EIF2A: variants seen among roughly 807,000 people sequenced by gnomAD.
EIF2A encodes 65 kDa eukaryotic translation initiation factor 2A.
A neutral mutation model predicts 75.2 loss-of-function variants in EIF2A; 62 were observed. The observed-to-expected ratio is 0.82, with a 90% CI of 0.67 to 1.02. The LOEUF (loss-of-function observed/expected upper bound fraction) is 1.02. Among genes scored for constraint, EIF2A ranks in the 50% least tolerant of loss-of-function variants. The pLI is 0.00. For synonymous variants in EIF2A, 207 were observed against 239.0 expected, an observed-to-expected ratio of 0.87 and a Z score of 1.23; for missense variants, 611 against 677.7, an observed-to-expected ratio of 0.90 and a Z score of 1.09.
rs917674798 is a variant in EIF2A at position 150,567,672 on chromosome 3, T to G, written c.476-21T>G. 4.1e-6 allele frequency: 6 copies of G among 1,473,394 alleles called. No individual in the cohort carries two copies. The Admixed American group carries it at 6.5e-5, about 16-fold the overall frequency. The allele number at this position is 1,473,394 out of a possible 1,614,324, so 91.3% of individuals were successfully genotyped here. A position where few individuals can be genotyped will look rare whatever the true frequency, so the allele number is the denominator to read the frequency against. ...TTTTAGGTTCTCTCATCAATCTGAT[T>G]TAATTTACTCTTTTTTTTAGACACA... On this transcript the variant is annotated intron_variant, in intron 6 of 13. Transcript: ENST00000460851.
intron 11 of EIF2A, among the ~76,000 whole-genome samples, chr3:150,576,198 T>C (rs1055140104): frequency 6.6e-6 from 1 of 152,172 alleles, no homozygotes; most frequent in African/African-American, 2.4e-5. Context: ...CCCAGCACTT[T>C]GGGAGGCCAA....
chr3:150,576,786 C>T lies in EIF2A; in HGVS notation c.1497+1024C>T, dbSNP rs569604305. ...TATATGAAATTATTTAACTGGGAATCGAAATACCAGAAGTACCCAAATAAT... is the reference window on the plus strand; with the variant it reads ...TATATGAAATTATTTAACTGGGAATTGAAATACCAGAAGTACCCAAATAAT... On this transcript the variant is annotated intron_variant, in intron 11 of 13. Transcript: ENST00000460851. 6.6e-5 allele frequency among the ~76,000 whole-genome samples: 10 copies of T among 152,214 alleles called. No individual in the cohort carries two copies. The East Asian group carries it at 1.7e-3, about 26-fold the overall frequency.
At chr3:150,570,558 C>T (rs1295106162) in intron 9 of EIF2A, among the ~76,000 whole-genome samples, 1 of 141,822 alleles carries the variant, frequency 7.1e-6, no homozygotes, top group African/African-American at 2.6e-5. Context: ...AAAATGAGAC[C>T]ATCTCTTTAA....
Position 150,550,977 on chromosome 3 carries a change from C to T in EIF2A, c.29-1379C>T, listed in dbSNP as rs73869254. On this transcript the variant is annotated intron_variant, in intron 1 of 13. Coordinates refer to ENST00000460851, the MANE Select transcript of EIF2A (RefSeq NM_032025.5). ...CTAGCCTGAGCCCTATTTTGTTTTC[C>T]AGCTTCATCATCCTCTAGCCACACA... Among the ~76,000 whole-genome samples, 490 of 152,236 alleles carry T rather than the reference C, an allele frequency of 3.2e-3. 1 individual carries two copies. Among genetic ancestry groups the T allele is most frequent in the African/African-American group, 0.011 (471 of 41,552 alleles).
chr3:150,582,383 C>T (rs936359077), intron 12 of EIF2A, among the ~76,000 whole-genome samples: 2 of 146,984 alleles, frequency 1.4e-5, no homozygotes, highest in African/African-American at 5.0e-5. Context: ...GGCGCGATCT[C>T]GGCTCACTGC....
chr3:150,571,923 TTA>T, intron 9 of EIF2A, 33 bp from the exon 10 acceptor site: 1 of 1,556,440 alleles, frequency 6.4e-7, no homozygotes, highest in Non-Finnish European at 8.7e-7. Context: ...ATATAGTTCT[TTA>T]TTGCTAATTT....
intron 10 of EIF2A, among the ~76,000 whole-genome samples, chr3:150,575,185 CTTG>C (rs1724787809): frequency 6.6e-6 from 1 of 151,898 alleles, no homozygotes; most frequent in African/African-American, 2.4e-5. Context: ...ATAATCTATT[CTTG>C]TTTTTTCATT....
rs780585569 is a variant in EIF2A at position 150,564,331 on chromosome 3, G to A, written c.425G>A (p.Cys142Tyr). Residue 142 changes from cysteine (C) to tyrosine (Y), a missense_variant, in exon 6 of 14, where the codon TGT becomes TAT. Coordinates refer to ENST00000460851, the MANE Select transcript of EIF2A (RefSeq NM_032025.5). Reference protein sequence around the residue: ...CPSWSEDETLCARNVNNEVHF... With the variant: ...CPSWSEDETLYARNVNNEVHF... ...TCCTGGTCAGAAGATGAAACTCTTTGTGCCCGCAATGTTAACAATGAAGTT... is the reference window on the plus strand; with the variant it reads ...TCCTGGTCAGAAGATGAAACTCTTTATGCCCGCAATGTTAACAATGAAGTT... 9 of 1,586,302 alleles carry A rather than the reference G, an allele frequency of 5.7e-6. No homozygotes were observed. The South Asian group carries it at 6.9e-5, about 12-fold the overall frequency.
Position 150,567,895 on chromosome 3 carries a change from A to G in EIF2A, c.550-7A>G. The G allele has an allele frequency of 6.2e-7, 1 of 1,600,416 alleles. No homozygotes were observed. The highest frequency in any genetic ancestry group is 8.5e-7 in the Non-Finnish European group (1 of 1,176,388). ...ATTAAGTAATGATTTATGTCTATGT[A>G]TCTTAGGTGGCTGTCTATGTTCCAG... On this transcript the variant is annotated splice_region_variant and splice_polypyrimidine_tract_variant and intron_variant, in intron 7 of 13. Coordinates refer to ENST00000460851, the MANE Select transcript of EIF2A (RefSeq NM_032025.5).
chr3:150,583,919 C>G lies in EIF2A; in HGVS notation c.*8C>G, dbSNP rs762693824. 1 of 1,613,290 alleles carries G rather than the reference C, an allele frequency of 6.2e-7. No individual in the cohort carries two copies. The highest frequency in any genetic ancestry group is 2.2e-5 in the East Asian group (1 of 44,802). On this transcript the variant is annotated 3_prime_UTR_variant, in exon 14 of 14. Transcript: ENST00000460851. ...TTGGAATTGGGTATTTAAAGATTCA[C>G]GGAAAGCAAGTTGATGACCAGAAAT...
rs1725329004 is a variant in EIF2A at position 150,583,890 on chromosome 3, A to G, written c.1737A>G (p.Glu579=). The change falls in exon 14 of 14, where the codon GAA becomes GAG. Residue 579 remains glutamate (E), a synonymous_variant. Transcript: ENST00000460851. ...AAACAGCCCTTCTCCAGGAGCTGGA[A>G]GATTTGGAATTGGGTATTTAAAGAT... ...QKETALLQEL[E]DLELGI is the part of the protein sequence containing the mutation. The G allele has an allele frequency of 3.7e-6, 6 of 1,613,596 alleles. No homozygotes were observed. The highest frequency in any genetic ancestry group is 1.7e-4 in the Middle Eastern group (1 of 6,056).
At chr3:150,564,273 A>AT in intron 5 of EIF2A, 26 bp from the exon 6 acceptor site, 2 of 1,376,568 alleles carry the variant, frequency 1.5e-6, no homozygotes, top group Admixed American at 2.5e-5. Context: ...TATTTTTTAT[A>AT]CTTTTTTTTT....
rs1029330348 is a variant in EIF2A at position 150,575,741 on chromosome 3, A to C, written c.1476A>C (p.Glu492Asp). ...CTCTTAAAAATCAAAGGAAGCATGAAGCTAAGAAAGCTGCAAAGCAGGTAT... is the reference window on the plus strand; with the variant it reads ...CTCTTAAAAATCAAAGGAAGCATGACGCTAAGAAAGCTGCAAAGCAGGTAT... ...KTALKNQRKH[E>D]AKKAAKQEAR... Residue 492 changes from glutamate (E) to aspartate (D), a missense_variant, in exon 11 of 14, where the codon GAA (glutamate) becomes GAC (aspartate). Physicochemically the swap from Glu to Asp is conservative, Grantham distance 45. Transcript: ENST00000460851. The C allele has an allele frequency of 6.8e-6, 11 of 1,611,604 alleles. No homozygotes were observed. The highest frequency in any genetic ancestry group is 9.3e-6 in the Non-Finnish European group (11 of 1,178,930).
chr3:150,573,593 G>A (rs1020554735), intron 10 of EIF2A, among the ~76,000 whole-genome samples: 1 of 152,098 alleles, frequency 6.6e-6, no homozygotes, highest in South Asian at 2.1e-4. Context: ...CTAAATTGTT[G>A]CTTTTTTATG....
intron 3 of EIF2A, among the ~76,000 whole-genome samples, chr3:150,561,181 T>G (rs1193976284): frequency 6.6e-6 from 1 of 152,208 alleles, no homozygotes; most frequent in Non-Finnish European, 1.5e-5. Flanking sequence ...CCGGGCTGGT[T>G]TTGAACTCCT....
chr3:150,550,486 C>T (rs1723261920), intron 1 of EIF2A, among the ~76,000 whole-genome samples: 1 of 152,002 alleles, frequency 6.6e-6, no homozygotes, highest in Non-Finnish European at 1.5e-5. Context: ...GTAAATTAAA[C>T]TGTATATGCT....
At chr3:150,552,474 C>G (rs1234741202) in intron 2 of EIF2A, 49 bp downstream of exon 2, 1 of 1,461,718 alleles carries the variant, frequency 6.8e-7, no homozygotes, top group Admixed American at 2.3e-5. Flanking sequence ...ACAGTACAAT[C>G]TAAAATGGTT....
In EIF2A at chr3:150,546,828, C is replaced by T. The variant is rs764129238; in HGVS notation, c.26C>T (p.Thr9Ile). 3 of 1,612,288 alleles carry T rather than the reference C, an allele frequency of 1.9e-6. No individual in the cohort carries two copies. The African/African-American group carries it at 4.0e-5, about 22-fold the overall frequency. Reference sequence around the variant, plus strand: ...ATGGCGCCGTCCACGCCGCTCTTGACAGGTGAGTTCTGAAGAAGCGAGGGA... The same window carrying T: ...ATGGCGCCGTCCACGCCGCTCTTGATAGGTGAGTTCTGAAGAAGCGAGGGA... MAPSTPLL[T>I]VRGSEGLYMV... The change falls in exon 1 of 14, where the codon ACA becomes ATA. Residue 9 changes from threonine to isoleucine, a missense_variant and splice_region_variant. Thr to Ile is a moderately conservative substitution (Grantham distance 89). Transcript: ENST00000460851.
intron 2 of EIF2A, chr3:150,557,725 T>G: frequency 2.7e-6 from 1 of 372,686 alleles, no homozygotes; most frequent in South Asian, 1.9e-5. Flanking sequence ...TGTTTTATTA[T>G]CTATAAACTG....
Sources: allele counts gnomAD v4.1 joint callset (sites outside exome capture counted in the v4.1 genomes callset), GRCh38; gene constraint gnomAD v4.1.1; transcripts MANE v1.5; gene names NCBI Gene and HGNC (gene_info 2026-07-23, HGNC 2026-07-21).